MAP7: variants seen among roughly 807,000 people sequenced by gnomAD.
MAP7 encodes the protein microtubule associated protein 7, also known as ensconsin.
Under a neutral mutation model 94.8 loss-of-function variants are expected in MAP7, and 52 were observed. The ratio of observed to expected loss-of-function variants is 0.55; its 90% CI spans 0.44 to 0.69. The LOEUF (loss-of-function observed/expected upper bound fraction) is 0.69. MAP7 is among the 30% of genes least tolerant of loss of function. The probability of loss-of-function intolerance (pLI) is 0.00; values close to 1 mark genes in which losing one functional copy is unlikely to be tolerated. For synonymous variants in MAP7, 350 were observed against 357.0 expected (o/e 0.98, Z 0.22); for missense variants, 940 against 964.6 (o/e 0.97, Z 0.34).
intron 1 of MAP7, among the ~76,000 whole-genome samples, chr6:136,450,345 T>C (rs1386388171): frequency 6.6e-6 from 1 of 152,110 alleles, no homozygotes; most frequent in Non-Finnish European, 1.5e-5. Context: ...CCACTAACAA[T>C]ATCATAAACA....
chr6:136,499,997 A>AAAAC (rs564107394), intron 1 of MAP7, among the ~76,000 whole-genome samples: 4 of 151,984 alleles, frequency 2.6e-5, no homozygotes, highest in African/African-American at 4.9e-5. Flanking sequence ...CCCTTTCTCA[A>AAAAC]AAACAAACAA....
intron 1 of MAP7, among the ~76,000 whole-genome samples, chr6:136,447,927 C>T (rs925828586): frequency 1.3e-5 from 2 of 152,142 alleles, no homozygotes; most frequent in Admixed American, 6.5e-5. Context: ...CCCAGTGGCT[C>T]ACGCCTGTAA....
chr6:136,417,213 G>C (rs1449824060), intron 2 of MAP7, among the ~76,000 whole-genome samples: 1 of 152,166 alleles, frequency 6.6e-6, no homozygotes, highest in Non-Finnish European at 1.5e-5. Context: ...CAAGGAAAAA[G>C]GGTTTAAGAG....
At chr6:136,412,519 A>G (rs951871332) in intron 2 of MAP7, among the ~76,000 whole-genome samples, 6 of 152,208 alleles carry the variant, frequency 3.9e-5, no homozygotes, top group African/African-American at 1.4e-4. Context: ...TGTCAGGAAA[A>G]GGATGTTTAA....
At chr6:136,508,171 G>A (rs1256264621) in intron 1 of MAP7, among the ~76,000 whole-genome samples, 2 of 151,930 alleles carry the variant, frequency 1.3e-5, no homozygotes, top group East Asian at 1.9e-4. Flanking sequence ...GCAAAGACAC[G>A]AAAATTAGCG....
intron 1 of MAP7, among the ~76,000 whole-genome samples, chr6:136,507,202 C>G (rs1276380840): frequency 6.6e-6 from 1 of 151,928 alleles, no homozygotes; most frequent in Non-Finnish European, 1.5e-5. Context: ...GCGTTTTGAG[C>G]TGAAATGTAC....
At chr6:136,360,925 C>T (rs1447442075) in intron 12 of MAP7, 80 bp downstream of exon 12, 48 of 1,538,360 alleles carry the variant, frequency 3.1e-5, no homozygotes, top group South Asian at 4.8e-5. Context: ...CACCAGCAGT[C>T]CAGTCCGCAC....
chr6:136,352,190 A>ATT (rs60677576), intron 16 of MAP7, among the ~76,000 whole-genome samples: 2,501 of 137,860 alleles, frequency 0.018, 77 homozygotes, highest in East Asian at 0.14. Flanking sequence ...TGCTATTCGT[A>ATT]TTTTTTTTTT....
chr6:136,528,989 C>G (rs576501587), intron 1 of MAP7, among the ~76,000 whole-genome samples: 2 of 152,110 alleles, frequency 1.3e-5, no homozygotes, highest in Non-Finnish European at 2.9e-5. Context: ...TGGCTTGATC[C>G]CTGTAGAGGT....
chr6:136,365,875 A>T lies in MAP7; in HGVS notation c.1133T>A (p.Val378Glu). The T allele has an allele frequency of 1.9e-6, 3 of 1,614,070 alleles. No homozygotes were observed. Among genetic ancestry groups the T allele is most frequent in the Non-Finnish European group, 2.5e-6 (3 of 1,180,020 alleles). The change falls in exon 10 of 18, where the codon GTG becomes GAG. Residue 378 changes from valine to glutamate, a missense_variant. By Grantham distance (121) the Val-to-Glu change is moderately radical (BLOSUM62 -2). Coordinates refer to ENST00000354570, the MANE Select transcript of MAP7 (RefSeq NM_003980.6). ...NIRPVKREVK[V>E]EPEKKDPEKE... The stretch of plus-strand genomic sequence containing the variant: ...CTCAGGATCTTTCTTCTCAGGCTCC[A>T]CTTTGACTTCCCTCTTGACAGGGCG...
intron 1 of MAP7, among the ~76,000 whole-genome samples, chr6:136,480,018 A>G (rs140824285): frequency 4.6e-5 from 7 of 152,358 alleles, no homozygotes; most frequent in African/African-American, 1.7e-4. Context: ...TGGAACCACA[A>G]AAGACCCCAA....
At chr6:136,498,305 G>A (rs1818872017) in intron 1 of MAP7, among the ~76,000 whole-genome samples, 1 of 152,078 alleles carries the variant, frequency 6.6e-6, no homozygotes, top group African/African-American at 2.4e-5. Context: ...TCAGCATGAT[G>A]ATAGGATAGG....
At chr6:136,461,353 A>C (rs963623725) in intron 1 of MAP7, among the ~76,000 whole-genome samples, 3 of 152,224 alleles carry the variant, frequency 2.0e-5, no homozygotes, top group Admixed American at 1.3e-4. Flanking sequence ...TATTTCACTT[A>C]TGAGAAAAGT....
At chr6:136,497,420 C>A (rs1156747167) in intron 1 of MAP7, among the ~76,000 whole-genome samples, 2 of 151,754 alleles carry the variant, frequency 1.3e-5, no homozygotes, top group Non-Finnish European at 2.9e-5. Flanking sequence ...CCACCAGATG[C>A]AAATGCAATC....
chr6:136,458,662 T>C (rs1315379754), intron 1 of MAP7, among the ~76,000 whole-genome samples: 3 of 151,860 alleles, frequency 2.0e-5, no homozygotes, highest in African/African-American at 7.3e-5. Flanking sequence ...AAATACACAA[T>C]GGGGAAAGGA....
intron 1 of MAP7, chr6:136,476,229 C>T (rs927284728): frequency 2.0e-5 from 3 of 152,126 alleles, no homozygotes; most frequent in African/African-American, 7.2e-5. Flanking sequence ...AGGGATCCTG[C>T]TTTGCTTCTG....
Position 136,432,310 on chromosome 6 carries a change from T to C in MAP7, c.68-10511A>G, listed in dbSNP as rs1795163941. Among the ~76,000 whole-genome samples the C allele has an allele frequency of 2.6e-5, 4 of 152,204 alleles. No individual in the cohort carries two copies. The South Asian group carries it at 8.3e-4, about 31-fold the overall frequency. On this transcript the variant is annotated intron_variant, in intron 1 of 17. Coordinates refer to ENST00000354570, the MANE Select transcript of MAP7 (RefSeq NM_003980.6). ...CTTATTCAGTAACTCTTTTATTTGA[T>C]CCATCATGAATCCTATGTAGCCTAA...
At chr6:136,422,569 C>G (rs2128775252) in intron 1 of MAP7, among the ~76,000 whole-genome samples, 1 of 152,268 alleles carries the variant, frequency 6.6e-6, no homozygotes, top group South Asian at 2.1e-4. Context: ...ATTTCCATCC[C>G]AGAAGACCTT....
chr6:136,377,813 C>T lies in MAP7; in HGVS notation c.693G>A (p.Thr231=), dbSNP rs776645842. 3.8e-5 allele frequency: 62 copies of T among 1,613,988 alleles called. No homozygotes were observed. The highest frequency in any genetic ancestry group is 5.0e-5 in the Admixed American group (3 of 59,988). Residue 231 remains threonine, a synonymous_variant, in exon 7 of 18, where the codon ACG becomes ACA. Transcript: ENST00000354570. ...TTCTGGCCAGGAACGAATGTGTGGG[C>T]GTCAGGAGTCTGTTAACAACGCTGC... The part of the protein sequence containing the change: ...WESSVVNRLL[T]PTHSFLARSK...
Sources: allele counts gnomAD v4.1 joint callset (sites outside exome capture counted in the v4.1 genomes callset), GRCh38; gene constraint gnomAD v4.1.1; transcripts MANE v1.5; gene names NCBI Gene and HGNC (gene_info 2026-07-23, HGNC 2026-07-21).